ZNF804B: variants seen among roughly 807,000 people sequenced by gnomAD.
ZNF804B encodes zinc finger 804B.
In ZNF804B, 80 loss-of-function variants were observed where a neutral mutation model predicts 101.4. The ratio of observed to expected loss-of-function variants is 0.79; its 90% confidence interval spans 0.66 to 0.95. The LOEUF (loss-of-function observed/expected upper bound fraction) is 0.95. Among genes scored for constraint, ZNF804B ranks in the 40% least tolerant of loss-of-function variants. The probability of loss-of-function intolerance (pLI) is 0.00; values close to 1 mark genes in which losing one functional copy is unlikely to be tolerated. For missense variants in ZNF804B, 1,673 were observed against 1,561.9 expected, an observed-to-expected ratio of 1.07 and a Z score of -1.20; for synonymous variants, 622 against 558.8, an observed-to-expected ratio of 1.11 and a Z score of -1.59.
chr7:89,282,616 G>C (rs1790117492), intron 2 of ZNF804B, among the ~76,000 whole-genome samples: 1 of 152,148 alleles, frequency 6.6e-6, no homozygotes, highest in South Asian at 2.1e-4. Flanking sequence ...TGGAAAAATG[G>C]TCTTTGCTGC....
chr7:89,337,079 C>T lies in ZNF804B; in HGVS notation c.*47C>T, dbSNP rs768932094. 1.3e-6 allele frequency: 2 copies of T among 1,510,068 alleles called. No individual in the cohort carries two copies. Among genetic ancestry groups the T allele is most frequent in the African/African-American group, 1.4e-5 (1 of 71,360 alleles). 93.5% of individuals were successfully genotyped at this position (1,510,068 alleles called of 1,614,324 possible). ...TGGATAATTTTTTTAATTGTCACTACCTATAAAATCATACATTTAAAGAAG... is the reference window on the plus strand; with the variant it reads ...TGGATAATTTTTTTAATTGTCACTATCTATAAAATCATACATTTAAAGAAG... On this transcript the variant is annotated 3_prime_UTR_variant, in exon 4 of 4. Coordinates refer to ENST00000333190, the MANE Select transcript of ZNF804B (RefSeq NM_181646.5).
chr7:89,066,353 C>A (rs1207109613), intron 1 of ZNF804B, among the ~76,000 whole-genome samples: 1 of 151,958 alleles, frequency 6.6e-6, no homozygotes, highest in Admixed American at 6.6e-5. Flanking sequence ...TGATCCTGGA[C>A]CAAGGATCAA....
At chr7:89,274,702 GA>G (rs1420717326) in intron 2 of ZNF804B, among the ~76,000 whole-genome samples, 4 of 151,754 alleles carry the variant, frequency 2.6e-5, no homozygotes, top group African/African-American at 7.3e-5. Context: ...CTAATATTAT[GA>G]AAAAGTTTGT....
At chr7:89,272,951 G>GA (rs1044339674) in intron 2 of ZNF804B, among the ~76,000 whole-genome samples, 14 of 150,100 alleles carry the variant, frequency 9.3e-5, no homozygotes, top group South Asian at 6.3e-4. Context: ...GTAATGCACG[G>GA]AAAAAAAAAT....
chr7:89,155,751 C>A (rs1181477591), intron 1 of ZNF804B, among the ~76,000 whole-genome samples: 1 of 152,142 alleles, frequency 6.6e-6, no homozygotes, highest in East Asian at 1.9e-4. Flanking sequence ...GTCTTTATAT[C>A]ATTGCCCATT....
intron 1 of ZNF804B, among the ~76,000 whole-genome samples, chr7:88,829,804 T>G (rs1204848080): frequency 6.6e-6 from 1 of 152,168 alleles, no homozygotes; most frequent in African/African-American, 2.4e-5. Flanking sequence ...AAAGGAAGAT[T>G]ATTTGCTTTA....
At chr7:89,263,736 T>TA (rs1411965849) in intron 2 of ZNF804B, among the ~76,000 whole-genome samples, 1 of 152,084 alleles carries the variant, frequency 6.6e-6, no homozygotes, top group South Asian at 2.1e-4. Context: ...GAAGATCATG[T>TA]AAAGATAGAG....
chr7:89,231,400 C>A (rs879450592), intron 2 of ZNF804B, among the ~76,000 whole-genome samples: 1 of 151,942 alleles, frequency 6.6e-6, no homozygotes, highest in Non-Finnish European at 1.5e-5. Context: ...TCCAAATTTG[C>A]TCTTGTTTTT....
chr7:89,098,008 T>C (rs1026519639), intron 1 of ZNF804B, among the ~76,000 whole-genome samples: 6 of 152,208 alleles, frequency 3.9e-5, no homozygotes, highest in Admixed American at 2.0e-4. Flanking sequence ...AACATAATAA[T>C]GTTTAGCACA....
intron 1 of ZNF804B, among the ~76,000 whole-genome samples, chr7:89,031,013 C>A (rs1202358244): frequency 6.6e-6 from 1 of 151,454 alleles, no homozygotes; most frequent in Non-Finnish European, 1.5e-5. Context: ...CACACTGGGG[C>A]CTTTTGGGGG....
rs377593186 is a variant in ZNF804B at position 88,879,787 on chromosome 7, C to T, written c.108+119703C>T. Reference sequence around the variant, plus strand: ...GGCATGGTGGCTCATGCCTGTCATGCCAGCACTTTGAGAGGCTGAGGCAGG... The same window carrying T: ...GGCATGGTGGCTCATGCCTGTCATGTCAGCACTTTGAGAGGCTGAGGCAGG... On this transcript the variant is annotated intron_variant, in intron 1 of 3. Coordinates refer to ENST00000333190, the MANE Select transcript of ZNF804B (RefSeq NM_181646.5). Among the ~76,000 whole-genome samples, 110 of 152,234 alleles carry T rather than the reference C, an allele frequency of 7.2e-4. 1 individual carries two copies. The highest frequency in any genetic ancestry group is 2.3e-3 in the African/African-American group (96 of 41,536).
chr7:88,809,476 A>C (rs1476935283), intron 1 of ZNF804B, among the ~76,000 whole-genome samples: 1 of 152,170 alleles, frequency 6.6e-6, no homozygotes, highest in East Asian at 1.9e-4. Flanking sequence ...GGCAATTTTA[A>C]AGGAATTGTC....
chr7:88,906,645 ATTACCAAGCATG>A (rs1792474692), intron 1 of ZNF804B, among the ~76,000 whole-genome samples: 4 of 152,080 alleles, frequency 2.6e-5, no homozygotes, highest in Admixed American at 2.0e-4. Context: ...GATTTGGTTT[ATTACCAAGCATG>A]TGGTCAATCT....
intron 2 of ZNF804B, among the ~76,000 whole-genome samples, chr7:89,252,195 T>C (rs938300562): frequency 9.9e-5 from 15 of 151,982 alleles, no homozygotes; most frequent in Non-Finnish European, 1.9e-4. Context: ...ATAAAAAACT[T>C]AAATAACTGA....
Position 89,333,377 on chromosome 7 carries a change from G to C in ZNF804B, c.395G>C (p.Gly132Ala). 6.3e-7 allele frequency: 1 copy of C among 1,598,064 alleles called. No homozygotes were observed. The highest frequency in any genetic ancestry group is 8.5e-7 in the Non-Finnish European group (1 of 1,174,220). Residue 132 changes from glycine (G) to alanine (A), a missense_variant, in exon 4 of 4, where the codon GGA (glycine) becomes GCA (alanine). Gly to Ala is a moderately conservative substitution (Grantham distance 60). Coordinates refer to ENST00000333190, the MANE Select transcript of ZNF804B (RefSeq NM_181646.5). ...TGTATTTACAGTGTTTCTGGAAATGGACCAGCATACAAAGCCCCCAGGGTA... is the reference window on the plus strand; with the variant it reads ...TGTATTTACAGTGTTTCTGGAAATGCACCAGCATACAAAGCCCCCAGGGTA... ...RQQSECVSGN[G>A]PAYKAPRVAI...
intron 1 of ZNF804B, among the ~76,000 whole-genome samples, chr7:89,009,904 CA>C (rs1788429315): frequency 6.6e-6 from 1 of 152,148 alleles, no homozygotes; most frequent in South Asian, 2.1e-4. Flanking sequence ...CACATCTTTC[CA>C]AATCCCATGG....
chr7:88,937,133 A>AG (rs1554347655), intron 1 of ZNF804B, among the ~76,000 whole-genome samples: 4 of 151,020 alleles, frequency 2.6e-5, no homozygotes, highest in Non-Finnish European at 4.4e-5. Flanking sequence ...AAAAAAAAAA[A>AG]GTATTATTGC....
chr7:88,854,216 C>A (rs1278558806), intron 1 of ZNF804B, among the ~76,000 whole-genome samples: 2 of 152,026 alleles, frequency 1.3e-5, no homozygotes, highest in Non-Finnish European at 2.9e-5. Flanking sequence ...CCTTAAATAA[C>A]TCGATGATGA....
intron 1 of ZNF804B, among the ~76,000 whole-genome samples, chr7:88,997,302 T>G (rs1300529503): frequency 2.0e-5 from 3 of 152,122 alleles, no homozygotes; most frequent in African/African-American, 7.2e-5. Flanking sequence ...ATAAGGGATG[T>G]GGTTGAATTT....
Sources: gnomAD v4.1 joint callset for allele counts (sites outside exome capture counted in the v4.1 genomes callset) on GRCh38, gnomAD v4.1.1 for gene constraint, MANE v1.5 for transcripts, NCBI Gene and HGNC (gene_info 2026-07-23, HGNC 2026-07-21) for gene names.